Variants in DPP10 observed in about 807,000 individuals in gnomAD.
The protein encoded by DPP10 is dipeptidyl peptidase like 10.
In DPP10, 33 loss-of-function variants were observed where a neutral mutation model predicts 120.9. That is an observed-to-expected ratio of 0.27 (90% CI 0.21 to 0.37). The LOEUF is 0.37. Among genes scored for constraint, DPP10 ranks in the 10% least tolerant of loss-of-function variants. The pLI is 1.00. For synonymous variants in DPP10, 337 were observed against 326.1 expected (o/e 1.03, Z -0.36); for missense variants, 816 against 942.8 (o/e 0.87, Z 1.76).
At chr2:115,745,218 A>G (rs1677799443) in intron 9 of DPP10, among the ~76,000 whole-genome samples, 1 of 139,806 alleles carries the variant, frequency 7.2e-6, no homozygotes, top group African/African-American at 2.4e-5. Context: ...TAACTTTCTC[A>G]GTTTTAGGTA....
intron 5 of DPP10, among the ~76,000 whole-genome samples, chr2:115,644,226 G>A (rs1013349283): frequency 8.6e-5 from 13 of 152,008 alleles, no homozygotes; most frequent in South Asian, 4.2e-4. Context: ...GGTTTGTTAC[G>A]TATGTATACA....
chr2:115,038,230 T>G (rs1360356963), intron 1 of DPP10, among the ~76,000 whole-genome samples: 1 of 151,678 alleles, frequency 6.6e-6, no homozygotes, highest in Non-Finnish European at 1.5e-5. Context: ...TTCTTTATTT[T>G]ACTCAGCAAA....
intron 1 of DPP10, among the ~76,000 whole-genome samples, chr2:115,184,060 G>A (rs186589226): frequency 6.6e-6 from 1 of 152,068 alleles, no homozygotes; most frequent in Non-Finnish European, 1.5e-5. Context: ...CTTTGGACTC[G>A]CAGCCCAGAC....
At chr2:115,218,744 C>G (rs1185403610) in intron 1 of DPP10, among the ~76,000 whole-genome samples, 1 of 152,124 alleles carries the variant, frequency 6.6e-6, no homozygotes, top group South Asian at 2.1e-4. Context: ...TTTCCCATGT[C>G]TAACATTTGG....
chr2:114,994,959 C>A (rs1452173989), intron 1 of DPP10, among the ~76,000 whole-genome samples: 1 of 152,206 alleles, frequency 6.6e-6, no homozygotes, highest in Non-Finnish European at 1.5e-5. Flanking sequence ...AATTCTCAAG[C>A]ACTCCCTGTA....
intron 1 of DPP10, among the ~76,000 whole-genome samples, chr2:115,110,157 G>A (rs1357869690): frequency 3.9e-5 from 6 of 152,032 alleles, no homozygotes; most frequent in African/African-American, 1.2e-4. Flanking sequence ...CCTTTACATC[G>A]ACTTCTCACT....
At chr2:115,539,292 G>T (rs1490624101) in intron 5 of DPP10, among the ~76,000 whole-genome samples, 1 of 151,942 alleles carries the variant, frequency 6.6e-6, no homozygotes, top group African/African-American at 2.4e-5. Flanking sequence ...ACAGAGAAAA[G>T]AAGTTAGATA....
chr2:114,707,274 G>C (rs1574010508), intron 1 of DPP10: 1 of 151,514 alleles, frequency 6.6e-6, no homozygotes, highest in Non-Finnish European at 1.5e-5. Flanking sequence ...AATAGGAAGA[G>C]CTGACACTTC....
At chr2:114,877,731 G>T (rs1050375365) in intron 1 of DPP10, among the ~76,000 whole-genome samples, 1 of 151,986 alleles carries the variant, frequency 6.6e-6, no homozygotes, top group Non-Finnish European at 1.5e-5. Flanking sequence ...ATCTAGTGTG[G>T]CATCTTTGAG....
chr2:115,129,933 G>A (rs1325744967), intron 1 of DPP10, among the ~76,000 whole-genome samples: 3 of 152,076 alleles, frequency 2.0e-5, no homozygotes, highest in African/African-American at 4.8e-5. Context: ...TGAGGCACGT[G>A]GTATATAGAC....
chr2:114,608,059 C>T (rs2105267124), intron 1 of DPP10, among the ~76,000 whole-genome samples: 1 of 152,330 alleles, frequency 6.6e-6, no homozygotes, highest in Admixed American at 6.5e-5. Flanking sequence ...GCAAATAGCA[C>T]CATCTTCCTA....
intron 5 of DPP10, among the ~76,000 whole-genome samples, chr2:115,672,932 A>G (rs1378136484): frequency 6.6e-6 from 1 of 151,804 alleles, no homozygotes; most frequent in Admixed American, 6.6e-5. Context: ...TATTTTTAGT[A>G]GAGACTGGGT....
At position 115,125,655 on chromosome 2, in the gene DPP10, G is replaced by A. The variant is rs188853208; in HGVS notation, c.61-183584G>A. 5.9e-3 allele frequency among the ~76,000 whole-genome samples: 862 copies of A among 145,986 alleles called. 24 individuals carry two copies. The highest frequency in any genetic ancestry group is 0.04 in the Admixed American group (557 of 13,968). On this transcript the variant is annotated intron_variant, in intron 1 of 25. Coordinates refer to ENST00000410059, the MANE Select transcript of DPP10 (RefSeq NM_020868.6). ...GGCATGATCTTGGCTTACGGCAAGC[G>A]CCTCCTCCCGGGTTCACGCCATTCT...
chr2:114,997,511 A>G (rs148460385), intron 1 of DPP10, among the ~76,000 whole-genome samples: 82 of 7,780 alleles, frequency 0.011, no homozygotes, highest in South Asian at 0.04. Flanking sequence ...AAAAAAAAAA[A>G]GAAAAAAATT....
chr2:114,689,383 C>G (rs1573972207), intron 1 of DPP10, among the ~76,000 whole-genome samples: 1 of 151,906 alleles, frequency 6.6e-6, no homozygotes, highest in Admixed American at 6.6e-5. Flanking sequence ...GCTTCTAGCT[C>G]CATCCATGTC....
intron 7 of DPP10, among the ~76,000 whole-genome samples, chr2:115,703,723 C>A (rs1252049931): frequency 6.6e-6 from 1 of 151,930 alleles, no homozygotes; most frequent in Non-Finnish European, 1.5e-5. Context: ...CGACTAAATA[C>A]CTCCACAGCA....
At chr2:115,437,460 G>A (rs1439861577) in intron 3 of DPP10, among the ~76,000 whole-genome samples, 1 of 152,046 alleles carries the variant, frequency 6.6e-6, no homozygotes, top group Non-Finnish European at 1.5e-5. Context: ...GAAGTGGAGT[G>A]AAAATGATTA....
intron 1 of DPP10, among the ~76,000 whole-genome samples, chr2:114,885,431 C>T (rs1205937880): frequency 6.6e-6 from 1 of 152,206 alleles, no homozygotes; most frequent in Non-Finnish European, 1.5e-5. Context: ...GATTACAATT[C>T]AACATGAGAC....
At chr2:115,152,837 C>T (rs191070849) in intron 1 of DPP10, among the ~76,000 whole-genome samples, 2 of 152,102 alleles carry the variant, frequency 1.3e-5, no homozygotes, top group East Asian at 1.9e-4. Flanking sequence ...ATACTGCTTT[C>T]GAGCTAATGA....
Sources: gnomAD v4.1 joint callset for allele counts (sites outside exome capture counted in the v4.1 genomes callset) on GRCh38, gnomAD v4.1.1 for gene constraint, MANE v1.5 for transcripts, NCBI Gene and HGNC (gene_info 2026-07-23, HGNC 2026-07-21) for gene names.